NFIB: variants seen among roughly 807,000 people sequenced by gnomAD.
NFIB encodes the protein nuclear factor I B.
Under a neutral mutation model 61.5 loss-of-function variants are expected in NFIB, and 11 were observed. The observed-to-expected ratio is 0.18, with a 90% CI of 0.11 to 0.30. The LOEUF (loss-of-function observed/expected upper bound fraction) is 0.30, where lower values mean the gene tolerates loss of function less well. NFIB is among the 10% of genes least tolerant of loss of function. The pLI, the probability that NFIB is intolerant of heterozygous loss-of-function variation, is 1.00. For missense variants in NFIB, 471 were observed against 608.9 expected, an observed-to-expected ratio of 0.77 and a Z score of 2.38; for synonymous variants, 260 against 216.5, an observed-to-expected ratio of 1.20 and a Z score of -1.76.
intron 2 of NFIB, among the ~76,000 whole-genome samples, chr9:14,259,537 G>A (rs1482881438): frequency 6.6e-6 from 1 of 152,104 alleles, no homozygotes; most frequent in East Asian, 1.9e-4. Flanking sequence ...TGGGCCCATG[G>A]GGCTTAGACT....
At chr9:14,103,680 T>C (rs1269340510) in intron 10 of NFIB, among the ~76,000 whole-genome samples, 3 of 152,208 alleles carry the variant, frequency 2.0e-5, no homozygotes, top group Non-Finnish European at 4.4e-5. Flanking sequence ...TAGTTTTTGC[T>C]CATTTTTCTA....
At chr9:14,316,604 G>C (rs564803308), upstream of NFIB, among the ~76,000 whole-genome samples, 1 of 152,236 alleles carries the variant, frequency 6.6e-6, no homozygotes, top group African/African-American at 2.4e-5. Context: ...AAAGAAATGA[G>C]GTGACAGGGT....
chr9:14,508,574 T>C, the NFIB span, among the ~76,000 whole-genome samples: 1 of 152,242 alleles, frequency 6.6e-6, no homozygotes, highest in Admixed American at 6.5e-5. Context: ...GGAACCACTG[T>C]GTCTTGTGTC....
chr9:14,210,534 A>G (rs895628967), intron 2 of NFIB, among the ~76,000 whole-genome samples: 2 of 152,068 alleles, frequency 1.3e-5, no homozygotes, highest in African/African-American at 4.8e-5. Flanking sequence ...GTAAGTATAC[A>G]TACACACATG....
At position 14,353,377 on chromosome 9, in the gene NFIB, G is replaced by C. The variant is rs549596977; in HGVS notation, c.108+45147C>G. Among the ~76,000 whole-genome samples, 17 of 152,280 alleles carry C rather than the reference G, an allele frequency of 1.1e-4. No homozygotes were observed. The South Asian group carries it at 2.9e-3, about 26-fold the overall frequency. The stretch of plus-strand genomic sequence containing the variant: ...AATAGCCAAAAACATCCTGAGTTCA[G>C]AGGCCTGCAAGTGAGAACAAATGGT... On this transcript the variant is annotated intron_variant, in intron 1 of 8. Transcript: ENST00000380934.
rs1587122892 is a variant in NFIB at position 14,096,224 on chromosome 9, C to T, written c.1468-7898G>A. ...TCAAATAAAGTAGGGGTTTAATATA[C>T]TTCCTTTCACTACAAAGGGTTAATC... On this transcript the variant is annotated intron_variant, in intron 10 of 10. Transcript: ENST00000380953. 1.3e-5 allele frequency: 2 copies of T among 152,116 alleles called. 1 individual carries two copies. Among genetic ancestry groups the T allele is most frequent in the East Asian group, 3.9e-4 (2 of 5,190 alleles). 9.4% of individuals were successfully genotyped at this position (152,116 alleles called of 1,614,324 possible).
At chr9:14,462,634 C>A in the NFIB span, among the ~76,000 whole-genome samples, 164 of 152,214 alleles carry the variant, frequency 1.1e-3, no homozygotes, top group African/African-American at 3.8e-3. Context: ...TGTGAGTAAC[C>A]AGTAAGAGAA....
chr9:14,353,695 AGACCCGCAGGCGGTGAGACCCGGG>A (rs2061141387), intron 1 of NFIB, among the ~76,000 whole-genome samples: 1 of 152,144 alleles, frequency 6.6e-6, no homozygotes, highest in Non-Finnish European at 1.5e-5. Context: ...GCTGACGTGG[AGACCCGCAGGCGGTGAGACCCGGG>A]GACCAGCTGG....
chr9:14,323,796 T>A (rs7868287), intron 1 of NFIB, among the ~76,000 whole-genome samples: 13,235 of 152,104 alleles, frequency 0.087, 1,443 homozygotes, highest in African/African-American at 0.26. Flanking sequence ...TATTTTTTTT[T>A]AAAAAAAGGC....
At chr9:14,321,302 G>T (rs1337308600) in intron 1 of NFIB, among the ~76,000 whole-genome samples, 2 of 151,914 alleles carry the variant, frequency 1.3e-5, no homozygotes, top group Admixed American at 1.3e-4. Context: ...AACAGGAGTG[G>T]AAAGAAATCC....
chr9:14,394,504 G>C (rs1002216221), intron 1 of NFIB, among the ~76,000 whole-genome samples: 1 of 152,126 alleles, frequency 6.6e-6, no homozygotes, highest in African/African-American at 2.4e-5. Context: ...GCTTGTGCAA[G>C]GGAACTCCCA....
chr9:14,175,842 C>G (rs375635283), intron 3 of NFIB, among the ~76,000 whole-genome samples: 1 of 152,162 alleles, frequency 6.6e-6, no homozygotes, highest in African/African-American at 2.4e-5. Context: ...CGTCATATTA[C>G]CAGCAGAGAA....
intron 2 of NFIB, among the ~76,000 whole-genome samples, chr9:14,217,491 T>C (rs776158876): frequency 1.3e-5 from 2 of 151,984 alleles, no homozygotes; most frequent in Non-Finnish European, 2.9e-5. Context: ...AGAAACCTTG[T>C]GTCTACTAAA....
chr9:14,097,548 A>C (rs2034995874), intron 10 of NFIB, among the ~76,000 whole-genome samples: 1 of 151,920 alleles, frequency 6.6e-6, no homozygotes. Context: ...ATAAAAGTTA[A>C]CTCTTTATAT....
intron 3 of NFIB, among the ~76,000 whole-genome samples, chr9:14,170,459 T>C (rs1237563773): frequency 1.3e-5 from 2 of 152,058 alleles, no homozygotes; most frequent in African/African-American, 2.4e-5. Flanking sequence ...CTAGGCAACA[T>C]AGCAAGGCTC....
intron 10 of NFIB, chr9:14,094,524 C>A (rs764597286): frequency 6.6e-6 from 1 of 152,130 alleles, no homozygotes; most frequent in African/African-American, 2.4e-5. Flanking sequence ...TTATTTTCAC[C>A]GTTTTTAGGG....
intron 2 of NFIB, among the ~76,000 whole-genome samples, chr9:14,232,291 C>T (rs186401122): frequency 7.2e-5 from 11 of 152,178 alleles, no homozygotes; most frequent in African/African-American, 2.2e-4. Context: ...AATGAGACCC[C>T]GTAAAGCATC....
intron 2 of NFIB, among the ~76,000 whole-genome samples, chr9:14,303,197 G>A (rs1037148034): frequency 6.6e-6 from 1 of 152,168 alleles, no homozygotes; most frequent in Non-Finnish European, 1.5e-5. Flanking sequence ...GGCAAGTGAG[G>A]GAACTAGAAA....
chr9:14,521,926 A>G, the NFIB span, among the ~76,000 whole-genome samples: 1 of 152,218 alleles, frequency 6.6e-6, no homozygotes, highest in East Asian at 1.9e-4. Flanking sequence ...CCTCAGCAGT[A>G]TCTCCCCATA....
Sources: allele counts gnomAD v4.1 joint callset (sites outside exome capture counted in the v4.1 genomes callset), GRCh38; gene constraint gnomAD v4.1.1; transcripts MANE v1.5; gene names NCBI Gene and HGNC (gene_info 2026-07-23, HGNC 2026-07-21).